Variants in RAB27A observed in about 807,000 individuals in gnomAD.
The protein encoded by RAB27A is RAB27A, member RAS oncogene family.
A neutral mutation model predicts 20.8 loss-of-function variants in RAB27A; 17 were observed. The ratio of observed to expected loss-of-function variants is 0.82; its 90% CI spans 0.56 to 1.23. The LOEUF (loss-of-function observed/expected upper bound fraction) is 1.23. Ranked by LOEUF, RAB27A falls within the 50% of genes most tolerant of loss-of-function variation. The pLI is 0.00. For missense variants in RAB27A, 277 were observed against 266.7 expected (o/e 1.04, Z -0.27); for synonymous variants, 85 against 92.8 (o/e 0.92, Z 0.48).
At chr15:55,236,268 A>G (rs1178910758) in intron 2 of RAB27A, among the ~76,000 whole-genome samples, 2 of 152,070 alleles carry the variant, frequency 1.3e-5, no homozygotes, top group Admixed American at 6.5e-5. Flanking sequence ...TCATTTTCAC[A>G]TGTTATTACG....
intron 1 of RAB27A, among the ~76,000 whole-genome samples, chr15:55,283,468 T>C (rs1898070522): frequency 6.6e-6 from 1 of 152,122 alleles, no homozygotes; most frequent in Non-Finnish European, 1.5e-5. Flanking sequence ...CCCACTTCAC[T>C]ACACAACCCA....
intron 1 of RAB27A, among the ~76,000 whole-genome samples, chr15:55,318,539 C>CA (rs1410836044): frequency 6.6e-6 from 1 of 150,398 alleles, no homozygotes; most frequent in Non-Finnish European, 1.5e-5. Context: ...CCCGTCTCTA[C>CA]AAAAAAACAC....
intron 2 of RAB27A, among the ~76,000 whole-genome samples, chr15:55,309,425 C>T (rs913858842): frequency 6.6e-6 from 1 of 152,196 alleles, no homozygotes; most frequent in Admixed American, 6.5e-5. Context: ...GGCTTGATGG[C>T]ACAAGGTTTC....
In RAB27A at chr15:55,214,264, G is replaced by A. The variant is rs928212212; in HGVS notation, c.468-8559C>T. On this transcript the variant is annotated intron_variant, in intron 6 of 6. Transcript: ENST00000336787. ...ATCCTGGCTAACATGGTGAAACCCC[G>A]TCTCTACTAAAAATACAAAAAATTA... Among the ~76,000 whole-genome samples, 6 of 152,160 alleles carry A rather than the reference G, an allele frequency of 3.9e-5. No individual in the cohort carries two copies. In the East Asian group the frequency reaches 5.8e-4, roughly 15 times the overall value.
intron 2 of RAB27A, among the ~76,000 whole-genome samples, chr15:55,312,225 G>T (rs1392866016): frequency 6.6e-6 from 1 of 152,182 alleles, no homozygotes. Context: ...GTCAGCGGCG[G>T]GTCTGCGACA....
intron 2 of RAB27A, among the ~76,000 whole-genome samples, chr15:55,264,189 T>A (rs1897377316): frequency 6.6e-6 from 1 of 152,088 alleles, no homozygotes; most frequent in Non-Finnish European, 1.5e-5. Context: ...TAGTTGGGAG[T>A]ACAGGCATGC....
intron 2 of RAB27A, among the ~76,000 whole-genome samples, chr15:55,311,756 G>A (rs77564003): frequency 0.029 from 4,352 of 152,228 alleles, 208 homozygotes; most frequent in African/African-American, 0.099. Flanking sequence ...AATATAAGTC[G>A]TTTATTTCTT....
chr15:55,234,105 C>CA (rs1223448428), intron 3 of RAB27A, among the ~76,000 whole-genome samples: 1 of 152,190 alleles, frequency 6.6e-6, no homozygotes, highest in Non-Finnish European at 1.5e-5. Flanking sequence ...TTACCTGCTT[C>CA]AGGCCAACAA....
At chr15:55,269,474 C>T (rs1418048107) in intron 2 of RAB27A, among the ~76,000 whole-genome samples, 5 of 152,134 alleles carry the variant, frequency 3.3e-5, no homozygotes, top group African/African-American at 7.2e-5. Context: ...AGGCCGGGCA[C>T]GGTGGCTCAT....
At chr15:55,222,777 C>T in intron 6 of RAB27A, among the ~76,000 whole-genome samples, 1 of 152,142 alleles carries the variant, frequency 6.6e-6, no homozygotes, top group South Asian at 2.1e-4. Context: ...ACATCCCCTA[C>T]ACCATCTACA....
At chr15:55,297,217 TTA>T (rs1446229039) in intron 2 of RAB27A, among the ~76,000 whole-genome samples, 2 of 152,260 alleles carry the variant, frequency 1.3e-5, no homozygotes, top group African/African-American at 4.8e-5. Context: ...TGAGATCATC[TTA>T]TCTGAATTGC....
chr15:55,268,957 CAAGA>C (rs1381678191), intron 2 of RAB27A, among the ~76,000 whole-genome samples: 1 of 152,096 alleles, frequency 6.6e-6, no homozygotes, highest in African/African-American at 2.4e-5. Flanking sequence ...GGTCTCTTCA[CAAGA>C]AAGGAACTGG....
intron 1 of RAB27A, chr15:55,317,916 T>C: frequency 5.2e-6 from 2 of 386,394 alleles, no homozygotes; most frequent in East Asian, 7.3e-5. Context: ...CAATGTCCTT[T>C]TAAAAGATGT....
intron 2 of RAB27A, among the ~76,000 whole-genome samples, chr15:55,268,850 C>T (rs973474635): frequency 6.6e-6 from 1 of 152,160 alleles, no homozygotes; most frequent in Non-Finnish European, 1.5e-5. Flanking sequence ...CCCTAACTCC[C>T]AGTACCTCAG....
At chr15:55,290,235 G>A (rs73413689), upstream of RAB27A, 14,608 of 152,130 alleles carry the variant, frequency 0.096, 1,002 homozygotes, top group African/African-American at 0.19. Flanking sequence ...AGCCGGAGGT[G>A]CCGGGCGTAC....
chr15:55,253,671 G>C (rs1404186724), intron 2 of RAB27A, among the ~76,000 whole-genome samples: 2 of 151,758 alleles, frequency 1.3e-5, no homozygotes, highest in East Asian at 3.9e-4. Flanking sequence ...TTGAAGCCTA[G>C]AGGTTAAGAA....
intron 2 of RAB27A, among the ~76,000 whole-genome samples, chr15:55,237,063 C>T (rs182025834): frequency 1.5e-4 from 23 of 152,220 alleles, no homozygotes; most frequent in African/African-American, 3.9e-4. Flanking sequence ...TTAACACTGA[C>T]GACTCTACAT....
intron 2 of RAB27A, among the ~76,000 whole-genome samples, chr15:55,256,931 A>G (rs1449643423): frequency 2.0e-5 from 3 of 152,222 alleles, no homozygotes; most frequent in African/African-American, 4.8e-5. Context: ...TGTCCCTTCT[A>G]TCACCTCTCA....
chr15:55,221,220 G>C lies in RAB27A; in HGVS notation c.467+2669C>G, dbSNP rs180884599. Reference sequence around the variant, plus strand: ...AGAAGTCAAGCCTGACCCTCCCCCAGTACTTGAGAATATACTTGAATGTGC... The same window carrying C: ...AGAAGTCAAGCCTGACCCTCCCCCACTACTTGAGAATATACTTGAATGTGC... On this transcript the variant is annotated intron_variant, in intron 6 of 6. Transcript: ENST00000336787. Among the ~76,000 whole-genome samples, 4 of 152,348 alleles carry C rather than the reference G, an allele frequency of 2.6e-5. No individual in the cohort carries two copies. The East Asian group carries it at 7.7e-4, about 29-fold the overall frequency.
Sources: allele counts gnomAD v4.1 joint callset (sites outside exome capture counted in the v4.1 genomes callset), GRCh38; gene constraint gnomAD v4.1.1; transcripts MANE v1.5; gene names NCBI Gene and HGNC (gene_info 2026-07-23, HGNC 2026-07-21).